The following CNTN5 variants were observed in gnomAD, a reference collection of about 807,000 sequenced individuals.
CNTN5 encodes contactin-5.
CNTN5 carries 77 observed loss-of-function variants against 129.1 expected under a neutral mutation model. The ratio of observed to expected loss-of-function variants is 0.60; its 90% CI spans 0.50 to 0.72. The LOEUF (loss-of-function observed/expected upper bound fraction) is 0.72, where lower values mean the gene tolerates loss of function less well. Among genes scored for constraint, CNTN5 ranks in the 30% least tolerant of loss-of-function variants. The pLI is 0.00. For synonymous variants in CNTN5, 509 were observed against 465.6 expected, an observed-to-expected ratio of 1.09 and a Z score of -1.20; for missense variants, 1,478 against 1,328.8, an observed-to-expected ratio of 1.11 and a Z score of -1.75.
At chr11:99,386,490 C>T (rs1940934959) in intron 2 of CNTN5, among the ~76,000 whole-genome samples, 1 of 152,050 alleles carries the variant, frequency 6.6e-6, no homozygotes, top group African/African-American at 2.4e-5. Flanking sequence ...ACTGTCGTGA[C>T]ACCGGTGGGA....
In CNTN5 at chr11:100,358,814, A is replaced by G. The variant is rs1952582444; in HGVS notation, c.*2594A>G. 6.6e-6 allele frequency: 1 copy of G among 151,970 alleles called. No homozygotes were observed. The highest frequency in any genetic ancestry group is 2.4e-5 in the African/African-American group (1 of 41,426). 9.4% of individuals were successfully genotyped at this position (151,970 alleles called of 1,614,324 possible). On this transcript the variant is annotated 3_prime_UTR_variant, in exon 25 of 25. Transcript: ENST00000524871. ...TATACCGTGTGGAAGGCACAGTCAA[A>G]TAATAGTTCTGTGTACTGTTCTTGT...
At chr11:99,086,723 AAT>A (rs1866023109) in intron 1 of CNTN5, among the ~76,000 whole-genome samples, 1 of 152,184 alleles carries the variant, frequency 6.6e-6, no homozygotes, top group South Asian at 2.1e-4. Flanking sequence ...GAATCAAAGG[AAT>A]ATATATGAGA....
chr11:99,159,824 T>C (rs1860522299), intron 1 of CNTN5, among the ~76,000 whole-genome samples: 1 of 152,204 alleles, frequency 6.6e-6, no homozygotes, highest in Non-Finnish European at 1.5e-5. Context: ...TTTTACCTCA[T>C]AAATTTTGGT....
At chr11:99,948,733 G>C (rs1397781625) in intron 7 of CNTN5, among the ~76,000 whole-genome samples, 3 of 152,142 alleles carry the variant, frequency 2.0e-5, no homozygotes, top group Non-Finnish European at 4.4e-5. Flanking sequence ...TATACATAGA[G>C]CACACTGCCT....
chr11:100,240,629 G>T (rs878998734), intron 16 of CNTN5, among the ~76,000 whole-genome samples: 1 of 152,036 alleles, frequency 6.6e-6, no homozygotes, highest in Admixed American at 6.5e-5. Flanking sequence ...GTCAACTTTG[G>T]CTTATTTCCA....
At chr11:100,160,138 T>C (rs1475612129) in intron 13 of CNTN5, among the ~76,000 whole-genome samples, 3 of 151,922 alleles carry the variant, frequency 2.0e-5, no homozygotes, top group Non-Finnish European at 2.9e-5. Context: ...GTTCTCATTG[T>C]TCACCTCCCA....
At chr11:100,198,327 A>G (rs1424087329) in intron 15 of CNTN5, among the ~76,000 whole-genome samples, 2 of 151,964 alleles carry the variant, frequency 1.3e-5, no homozygotes, top group African/African-American at 4.8e-5. Context: ...ATATTTTGTC[A>G]TTGTGGAGAA....
intron 1 of CNTN5, among the ~76,000 whole-genome samples, chr11:99,158,661 G>T (rs1860452484): frequency 6.6e-6 from 1 of 152,004 alleles, no homozygotes; most frequent in South Asian, 2.1e-4. Context: ...GGCAATAGGA[G>T]AACAAATTTC....
At chr11:99,345,798 G>A (rs574869147) in intron 2 of CNTN5, among the ~76,000 whole-genome samples, 1 of 152,236 alleles carries the variant, frequency 6.6e-6, no homozygotes, top group Non-Finnish European at 1.5e-5. Flanking sequence ...TGTAAAATAT[G>A]CCTTTCATTT....
chr11:99,732,543 T>C (rs914792986), intron 3 of CNTN5, among the ~76,000 whole-genome samples: 1 of 152,060 alleles, frequency 6.6e-6, no homozygotes, highest in South Asian at 2.1e-4. Flanking sequence ...AAATATTCCA[T>C]GAGAGAGGTG....
intron 3 of CNTN5, among the ~76,000 whole-genome samples, chr11:99,596,994 C>T (rs1950146808): frequency 6.6e-6 from 1 of 152,182 alleles, no homozygotes; most frequent in East Asian, 1.9e-4. Context: ...AAATGATCAG[C>T]ACTTAGTTTT....
intron 13 of CNTN5, among the ~76,000 whole-genome samples, chr11:100,104,715 G>A (rs1945357551): frequency 6.6e-6 from 1 of 152,048 alleles, no homozygotes; most frequent in Admixed American, 6.6e-5. Context: ...GAGGAAAATG[G>A]GCAGGACATA....
At chr11:99,400,468 A>G (rs988708511) in intron 2 of CNTN5, among the ~76,000 whole-genome samples, 6 of 152,034 alleles carry the variant, frequency 3.9e-5, no homozygotes, top group African/African-American at 1.4e-4. Flanking sequence ...TTATCCAATC[A>G]TCTGTTGATG....
At chr11:99,677,745 G>A (rs562223995) in intron 3 of CNTN5, among the ~76,000 whole-genome samples, 1 of 152,152 alleles carries the variant, frequency 6.6e-6, no homozygotes, top group East Asian at 1.9e-4. Context: ...GGGATGGGTT[G>A]GTGATTACAG....
chr11:100,262,626 T>C (rs1316092386), intron 17 of CNTN5, among the ~76,000 whole-genome samples: 1 of 152,182 alleles, frequency 6.6e-6, no homozygotes, highest in Non-Finnish European at 1.5e-5. Context: ...AAGGATGAGT[T>C]CATGTCCTTT....
At chr11:99,092,972 A>G (rs1866316073) in intron 1 of CNTN5, among the ~76,000 whole-genome samples, 1 of 152,042 alleles carries the variant, frequency 6.6e-6, no homozygotes, top group Non-Finnish European at 1.5e-5. Context: ...TTTTACTTTA[A>G]GAAATGGGTT....
At chr11:99,996,299 G>A (rs535769486) in intron 8 of CNTN5, among the ~76,000 whole-genome samples, 2 of 151,990 alleles carry the variant, frequency 1.3e-5, no homozygotes, top group Non-Finnish European at 2.9e-5. Flanking sequence ...ATTTGTCTCT[G>A]CTCCAGTTTC....
chr11:100,188,872 T>C lies in CNTN5; in HGVS notation c.1581-2254T>C, dbSNP rs527705479. On this transcript the variant is annotated intron_variant, in intron 13 of 24. Transcript: ENST00000524871. The stretch of plus-strand genomic sequence containing the variant: ...AATTATATAAAGAAAATGTGGTACA[T>C]ACACACTGTGGAATACTAGCCAGCC... Among the ~76,000 whole-genome samples the C allele has an allele frequency of 5.3e-5, 8 of 152,274 alleles. No individual in the cohort carries two copies. The South Asian group carries it at 1.2e-3, about 24-fold the overall frequency.
At chr11:99,861,311 C>T (rs1030644554) in intron 6 of CNTN5, among the ~76,000 whole-genome samples, 1 of 152,054 alleles carries the variant, frequency 6.6e-6, no homozygotes, top group Non-Finnish European at 1.5e-5. Context: ...CATAGTTCTC[C>T]TTGGAGAGAT....
Sources: allele counts gnomAD v4.1 joint callset (sites outside exome capture counted in the v4.1 genomes callset), GRCh38; gene constraint gnomAD v4.1.1; transcripts MANE v1.5; gene names NCBI Gene and HGNC (gene_info 2026-07-23, HGNC 2026-07-21).